ADGRL3: variants seen among roughly 807,000 people sequenced by gnomAD.
The protein encoded by ADGRL3 is calcium-independent alpha-latrotoxin receptor 3.
ADGRL3 carries 62 observed loss-of-function variants against 153.5 expected under a neutral mutation model. The ratio of observed to expected loss-of-function variants is 0.40; its 90% CI spans 0.33 to 0.50. The LOEUF (loss-of-function observed/expected upper bound fraction) is 0.50, where lower values mean the gene tolerates loss of function less well. ADGRL3 is among the 20% of genes least tolerant of loss of function. The pLI is 0.47. For missense variants in ADGRL3, 1,641 were observed against 1,859.4 expected (o/e 0.88, Z 2.16); for synonymous variants, 710 against 672.5 (o/e 1.06, Z -0.86).
intron 13 of ADGRL3, among the ~76,000 whole-genome samples, chr4:61,921,966 G>A (rs948107099): frequency 2.6e-5 from 4 of 152,186 alleles, no homozygotes; most frequent in African/African-American, 9.6e-5. Context: ...CTCTTCATCA[G>A]TAGGAAATCG....
At chr4:61,903,056 G>C (rs1355423651) in intron 11 of ADGRL3, among the ~76,000 whole-genome samples, 1 of 152,192 alleles carries the variant, frequency 6.6e-6, no homozygotes. Context: ...AGCGGATGGA[G>C]ATAGCTAGAC....
At chr4:61,775,418 G>T in intron 8 of ADGRL3, 1 of 674,026 alleles carries the variant, frequency 1.5e-6, no homozygotes, top group Non-Finnish European at 2.7e-6. Context: ...GTGTGTGTGT[G>T]TGTGTGTGTG....
chr4:61,744,018 G>A, intron 8 of ADGRL3, among the ~76,000 whole-genome samples: 1 of 152,272 alleles, frequency 6.6e-6, no homozygotes, highest in East Asian at 1.9e-4. Context: ...CCCATACTGA[G>A]CTTTTCCGAT....
At chr4:61,366,619 C>A (rs931179731) in intron 1 of ADGRL3, among the ~76,000 whole-genome samples, 7 of 152,098 alleles carry the variant, frequency 4.6e-5, no homozygotes, top group African/African-American at 1.7e-4. Context: ...TCTTTGACTG[C>A]AGTGAAGTAG....
intron 3 of ADGRL3, among the ~76,000 whole-genome samples, chr4:61,516,290 C>T (rs1197677442): frequency 1.3e-5 from 2 of 151,906 alleles, no homozygotes; most frequent in Non-Finnish European, 2.9e-5. Flanking sequence ...TATTGATTTT[C>T]TTAGTTTCTC....
intron 2 of ADGRL3, among the ~76,000 whole-genome samples, chr4:61,401,447 G>A (rs1240850596): frequency 6.6e-6 from 1 of 151,840 alleles, no homozygotes; most frequent in South Asian, 2.1e-4. Context: ...AGTATGTAAT[G>A]GAAAACAAAT....
At chr4:61,442,990 A>G (rs759051910) in intron 2 of ADGRL3, among the ~76,000 whole-genome samples, 2 of 152,180 alleles carry the variant, frequency 1.3e-5, no homozygotes, top group Non-Finnish European at 2.9e-5. Flanking sequence ...TATGTTTAAT[A>G]TAATGTATCT....
intron 2 of ADGRL3, among the ~76,000 whole-genome samples, chr4:61,418,629 A>G (rs986022688): frequency 6.6e-6 from 1 of 150,884 alleles, no homozygotes; most frequent in Non-Finnish European, 1.5e-5. Flanking sequence ...AAAACAACGC[A>G]CTGAATTAAA....
intron 6 of ADGRL3, among the ~76,000 whole-genome samples, chr4:61,706,626 G>A (rs747636473): frequency 6.6e-6 from 1 of 151,882 alleles, no homozygotes; most frequent in Non-Finnish European, 1.5e-5. Flanking sequence ...CAACTGTCTC[G>A]AGTTTCAAAT....
chr4:61,814,776 C>G (rs996700245), intron 9 of ADGRL3, among the ~76,000 whole-genome samples: 37 of 152,100 alleles, frequency 2.4e-4, no homozygotes, highest in African/African-American at 7.7e-4. Context: ...CAAGGCCCTC[C>G]TCTATATTAG....
intron 21 of ADGRL3, among the ~76,000 whole-genome samples, chr4:62,001,769 C>T (rs2099141207): frequency 6.6e-6 from 1 of 151,770 alleles, no homozygotes. Flanking sequence ...ATCTGGAAAA[C>T]TTTTTTTTAG....
At chr4:62,062,247 A>G (rs1261789080) in intron 25 of ADGRL3, among the ~76,000 whole-genome samples, 1 of 152,024 alleles carries the variant, frequency 6.6e-6, no homozygotes, top group Non-Finnish European at 1.5e-5. Context: ...ATCCTCTTCC[A>G]TGAAATATCT....
At chr4:61,975,168 G>T (rs189514011) in intron 17 of ADGRL3, among the ~76,000 whole-genome samples, 5 of 152,248 alleles carry the variant, frequency 3.3e-5, no homozygotes, top group Admixed American at 1.3e-4. Flanking sequence ...TTAAGTAAGT[G>T]ATAAGGAGTA....
At chr4:61,922,176 G>A (rs1581472829) in intron 13 of ADGRL3, among the ~76,000 whole-genome samples, 1 of 152,144 alleles carries the variant, frequency 6.6e-6, no homozygotes, top group Non-Finnish European at 1.5e-5. Context: ...CAGGTCTAGA[G>A]AGACCCACAA....
At chr4:61,379,614 G>T (rs1190343821) in intron 1 of ADGRL3, among the ~76,000 whole-genome samples, 1 of 152,004 alleles carries the variant, frequency 6.6e-6, no homozygotes. Context: ...GTTTGTTCAT[G>T]TCACTTCTTC....
At chr4:61,978,871 C>G in intron 17 of ADGRL3, among the ~76,000 whole-genome samples, 1 of 144,322 alleles carries the variant, frequency 6.9e-6, no homozygotes, top group Non-Finnish European at 1.5e-5. Flanking sequence ...ATAACAGGCT[C>G]TATTCATGCA....
intron 11 of ADGRL3, among the ~76,000 whole-genome samples, chr4:61,900,242 G>T (rs949882737): frequency 3.3e-5 from 5 of 152,110 alleles, no homozygotes; most frequent in Admixed American, 3.3e-4. Context: ...GCACCAAGTT[G>T]CTGACTTTAG....
chr4:61,210,834 GTA>G (rs1240975180), intron 1 of ADGRL3, among the ~76,000 whole-genome samples: 5 of 152,144 alleles, frequency 3.3e-5, no homozygotes, highest in Non-Finnish European at 7.4e-5. Context: ...AGGCATGTGT[GTA>G]TCTATAGCCT....
intron 2 of ADGRL3, among the ~76,000 whole-genome samples, chr4:61,469,882 T>C (rs1219367613): frequency 6.6e-6 from 1 of 151,950 alleles, no homozygotes; most frequent in Non-Finnish European, 1.5e-5. Flanking sequence ...AATATGTTTA[T>C]GTCATGACAA....
Sources: allele counts gnomAD v4.1 joint callset (sites outside exome capture counted in the v4.1 genomes callset), GRCh38; gene constraint gnomAD v4.1.1; transcripts MANE v1.5; gene names NCBI Gene and HGNC (gene_info 2026-07-23, HGNC 2026-07-21).